CYTH1: variants seen among roughly 807,000 people sequenced by gnomAD.
CYTH1 encodes the protein cytohesin-1.
Under a neutral mutation model 61.8 loss-of-function variants are expected in CYTH1, and 18 were observed. That is an observed-to-expected ratio of 0.29 (90% CI 0.20 to 0.43). The LOEUF is 0.43. Ranked by LOEUF, CYTH1 falls within the 20% of genes least tolerant of loss-of-function variation. The probability of loss-of-function intolerance (pLI) is 1.00; values close to 1 mark genes in which losing one functional copy is unlikely to be tolerated. For synonymous variants in CYTH1, 174 were observed against 184.3 expected, an observed-to-expected ratio of 0.94 and a Z score of 0.45; for missense variants, 336 against 510.5, an observed-to-expected ratio of 0.66 and a Z score of 3.29.
At chr17:78,714,564 C>T (rs900155011) in intron 1 of CYTH1, among the ~76,000 whole-genome samples, 1 of 152,186 alleles carries the variant, frequency 6.6e-6, no homozygotes, top group Non-Finnish European at 1.5e-5. Flanking sequence ...AACACACACA[C>T]ATGAACGAAG....
intron 1 of CYTH1, among the ~76,000 whole-genome samples, chr17:78,716,434 G>T (rs564975271): frequency 1.8e-4 from 27 of 152,186 alleles, no homozygotes; most frequent in South Asian, 4.1e-4. Flanking sequence ...AACGCTTCTG[G>T]CCAATTTGTA....
chr17:78,724,932 C>T (rs1386395047), intron 1 of CYTH1, among the ~76,000 whole-genome samples: 1 of 152,164 alleles, frequency 6.6e-6, no homozygotes, highest in Non-Finnish European at 1.5e-5. Flanking sequence ...CTTTTAGTGT[C>T]AAGAGAGTAG....
intron 1 of CYTH1, chr17:78,736,750 C>A: frequency 2.5e-6 from 1 of 399,952 alleles, no homozygotes; most frequent in Non-Finnish European, 5.3e-6. Context: ...CACGAAAAGT[C>A]CGTTCTGTGC....
rs184694628 is a variant in CYTH1 at position 78,681,888 on chromosome 17, A to G, written c.892-846T>C. On this transcript the variant is annotated intron_variant, in intron 11 of 13. Transcript: ENST00000446868. ...GTTCTATGAGTTCTCTAAAAGCGAA[A>G]AAGAGTCTTTCAGCCATTTCCCCAT... 1.1e-4 allele frequency among the ~76,000 whole-genome samples: 17 copies of G among 152,218 alleles called. No individual in the cohort carries two copies. In the East Asian group the frequency reaches 3.3e-3, roughly 29 times the overall value.
At chr17:78,698,418 G>C (rs921994382) in intron 8 of CYTH1, 38 bp from the exon 9 acceptor site, 7 of 1,524,466 alleles carry the variant, frequency 4.6e-6, no homozygotes, top group South Asian at 1.1e-5. Flanking sequence ...TCTGATTCTA[G>C]AAATATTTTT....
chr17:78,686,533 T>C (rs1235114668), intron 11 of CYTH1, among the ~76,000 whole-genome samples: 1 of 152,144 alleles, frequency 6.6e-6, no homozygotes, highest in Non-Finnish European at 1.5e-5. Flanking sequence ...TAGCATATTA[T>C]GCAGTCTCGT....
At chr17:78,698,785 C>T (rs1238628550) in intron 8 of CYTH1, 35 bp downstream of exon 8, 1 of 1,539,994 alleles carries the variant, frequency 6.5e-7, no homozygotes, top group Non-Finnish European at 8.7e-7. Context: ...TGAACTCTTT[C>T]TTGACTTGAA....
intron 1 of CYTH1, among the ~76,000 whole-genome samples, chr17:78,775,170 C>A (rs987233403): frequency 4.6e-5 from 7 of 152,238 alleles, no homozygotes; most frequent in African/African-American, 1.7e-4. Context: ...TATGACACCA[C>A]ACCTAACCCG....
intron 11 of CYTH1, chr17:78,691,270 C>G (rs895616344): frequency 1.3e-5 from 2 of 152,228 alleles, no homozygotes; most frequent in Non-Finnish European, 2.9e-5. Context: ...TTGCCTGCAG[C>G]CTGATGGGCT....
chr17:78,680,135 T>C (rs2092743203), intron 13 of CYTH1, 55 bp downstream of exon 13: 26 of 1,600,560 alleles, frequency 1.6e-5, no homozygotes, highest in Non-Finnish European at 2.1e-5. Flanking sequence ...GATCAACACC[T>C]GGTGAGGTGA....
intron 1 of CYTH1, among the ~76,000 whole-genome samples, chr17:78,778,498 T>G (rs1177748047): frequency 6.7e-6 from 1 of 148,738 alleles, no homozygotes; most frequent in East Asian, 2.0e-4. Context: ...ATCAGCCGGG[T>G]GTGGTGGCAG....
At chr17:78,729,819 A>G (rs899589486) in intron 1 of CYTH1, among the ~76,000 whole-genome samples, 23 of 152,214 alleles carry the variant, frequency 1.5e-4, no homozygotes, top group African/African-American at 5.5e-4. Flanking sequence ...TACGCTTGCT[A>G]AACACACAGG....
At chr17:78,741,658 TA>T (rs2093342464) in intron 1 of CYTH1, among the ~76,000 whole-genome samples, 1 of 152,168 alleles carries the variant, frequency 6.6e-6, no homozygotes, top group Admixed American at 6.5e-5. Context: ...ATACTGCTGC[TA>T]AAAGTGGCAA....
At chr17:78,769,014 C>T (rs1054375591) in intron 1 of CYTH1, among the ~76,000 whole-genome samples, 2 of 151,946 alleles carry the variant, frequency 1.3e-5, no homozygotes, top group Non-Finnish European at 2.9e-5. Context: ...GGTGTGGTGG[C>T]ACATGCCTGT....
chr17:78,680,870 T>C (rs960721957), intron 12 of CYTH1, 101 bp downstream of exon 12: 50 of 1,140,442 alleles, frequency 4.4e-5, no homozygotes, highest in Non-Finnish European at 6.1e-5. Flanking sequence ...AATAAAAGCC[T>C]GATCACGCTT....
chr17:78,727,539 G>C (rs926159992), intron 1 of CYTH1: 2 of 367,074 alleles, frequency 5.4e-6, no homozygotes, highest in Admixed American at 6.3e-5. Flanking sequence ...ACCCTTACCA[G>C]AGTTGCCCCG....
chr17:78,737,076 T>C (rs1407839181), intron 1 of CYTH1: 1 of 152,482 alleles, frequency 6.6e-6, no homozygotes, highest in African/African-American at 2.4e-5. Flanking sequence ...TAGTCTTTTC[T>C]CAAACTCAAC....
intron 1 of CYTH1, among the ~76,000 whole-genome samples, chr17:78,757,553 G>C (rs755055863): frequency 6.6e-6 from 1 of 152,100 alleles, no homozygotes; most frequent in Non-Finnish European, 1.5e-5. Flanking sequence ...GTAAACACTA[G>C]CCGAGGTTCT....
intron 1 of CYTH1, among the ~76,000 whole-genome samples, chr17:78,735,958 A>C (rs1312125907): frequency 6.6e-6 from 1 of 152,210 alleles, no homozygotes; most frequent in African/African-American, 2.4e-5. Flanking sequence ...CTTGGGATTT[A>C]GAAGGCACAG....
Sources: allele counts gnomAD v4.1 joint callset (sites outside exome capture counted in the v4.1 genomes callset), GRCh38; gene constraint gnomAD v4.1.1; transcripts MANE v1.5; gene names NCBI Gene and HGNC (gene_info 2026-07-23, HGNC 2026-07-21).